The following ASIC2 variants were observed in gnomAD, a reference collection of about 807,000 sequenced individuals.
ASIC2 encodes acid sensing ion channel subunit 2.
A neutral mutation model predicts 57.3 loss-of-function variants in ASIC2; 25 were observed. The ratio of observed to expected loss-of-function variants is 0.44; its 90% CI spans 0.32 to 0.61. ASIC2 has a LOEUF of 0.61. ASIC2 is among the 20% of genes least tolerant of loss of function. The pLI, the probability that ASIC2 is intolerant of heterozygous loss-of-function variation, is 0.06. For synonymous variants in ASIC2, 319 were observed against 307.5 expected (o/e 1.04, Z -0.39); for missense variants, 641 against 738.1 (o/e 0.87, Z 1.52).
At chr17:33,056,183 T>A (rs1353110358) in intron 3 of ASIC2, among the ~76,000 whole-genome samples, 1 of 152,174 alleles carries the variant, frequency 6.6e-6, no homozygotes, top group African/African-American at 2.4e-5. Context: ...GGGGTATCTT[T>A]GGATTCCTCA....
At position 33,925,947 on chromosome 17, in the gene ASIC2, C is replaced by G. The variant is rs535275548; in HGVS notation, c.555+230031G>C. 1.6e-4 allele frequency among the ~76,000 whole-genome samples: 25 copies of G among 152,280 alleles called. No homozygotes were observed. In the South Asian group the frequency reaches 5.2e-3, roughly 32 times the overall value. On this transcript the variant is annotated intron_variant, in intron 1 of 9. Transcript: ENST00000359872. ...AGAAGTCACAAAATGTGTATGTGCCCCGCAATGACAAGACTTTTTTTAGAT... is the reference window on the plus strand; with the variant it reads ...AGAAGTCACAAAATGTGTATGTGCCGCGCAATGACAAGACTTTTTTTAGAT...
At chr17:33,215,705 CTT>C (rs35619348) in intron 1 of ASIC2, among the ~76,000 whole-genome samples, 9 of 141,422 alleles carry the variant, frequency 6.4e-5, no homozygotes, top group African/African-American at 1.0e-4. Context: ...ATACATGTGG[CTT>C]TTTTTTTTTT....
chr17:33,904,838 G>A (rs772374731), intron 1 of ASIC2, among the ~76,000 whole-genome samples: 1 of 152,122 alleles, frequency 6.6e-6, no homozygotes, highest in African/African-American at 2.4e-5. Flanking sequence ...TATCTTCTCC[G>A]GGTCTCAGTA....
chr17:33,881,225 A>G (rs1914691316), intron 1 of ASIC2, among the ~76,000 whole-genome samples: 1 of 151,914 alleles, frequency 6.6e-6, no homozygotes, highest in East Asian at 1.9e-4. Flanking sequence ...CTCTCTCACC[A>G]CTCCTATTCA....
intron 1 of ASIC2, among the ~76,000 whole-genome samples, chr17:33,856,497 G>GGCAGTAGCAGCA: frequency 7.3e-5 from 1 of 13,646 alleles, no homozygotes. Flanking sequence ...TAGTAATAGT[G>GGCAGTAGCAGCA]TTGTCAGTAG....
At chr17:34,053,671 G>A (rs1423542356) in intron 1 of ASIC2, among the ~76,000 whole-genome samples, 1 of 152,202 alleles carries the variant, frequency 6.6e-6, no homozygotes, top group African/African-American at 2.4e-5. Context: ...AGGAAATTGA[G>A]AGACAGAGAA....
At chr17:33,964,292 G>A (rs1905013175) in intron 1 of ASIC2, among the ~76,000 whole-genome samples, 1 of 152,332 alleles carries the variant, frequency 6.6e-6, no homozygotes, top group Non-Finnish European at 1.5e-5. Context: ...TAGCAGAGCA[G>A]GGCTCACCCC....
intron 1 of ASIC2, among the ~76,000 whole-genome samples, chr17:33,708,600 T>G (rs1335594218): frequency 1.3e-5 from 2 of 152,186 alleles, no homozygotes; most frequent in East Asian, 1.9e-4. Flanking sequence ...TCTTTCCAAG[T>G]GCAGGTATGT....
chr17:33,340,527 G>T (rs546356150), intron 1 of ASIC2, among the ~76,000 whole-genome samples: 10 of 115,390 alleles, frequency 8.7e-5, no homozygotes, highest in Non-Finnish European at 1.3e-4. Flanking sequence ...AAGCCTTGAG[G>T]TTGGCTAACA....
chr17:33,765,164 G>A (rs9909047), intron 1 of ASIC2, among the ~76,000 whole-genome samples: 4,760 of 151,804 alleles, frequency 0.031, 234 homozygotes, highest in African/African-American at 0.11. Context: ...AGAGTGCAGT[G>A]GCGCTATCTT....
At chr17:33,354,650 G>C (rs1194709498) in intron 1 of ASIC2, among the ~76,000 whole-genome samples, 1 of 151,866 alleles carries the variant, frequency 6.6e-6, no homozygotes, top group Admixed American at 6.6e-5. Context: ...CCTCTACTGG[G>C]AACATTCTTT....
At chr17:33,945,783 C>T (rs768667233) in intron 1 of ASIC2, among the ~76,000 whole-genome samples, 1 of 152,190 alleles carries the variant, frequency 6.6e-6, no homozygotes, top group Non-Finnish European at 1.5e-5. Flanking sequence ...CACTTTCCAA[C>T]GATTTGCTTG....
intron 1 of ASIC2, chr17:34,118,859 C>G (rs1431085238): frequency 1.3e-5 from 2 of 152,412 alleles, no homozygotes; most frequent in South Asian, 4.1e-4. Flanking sequence ...TCTGGAGCAG[C>G]TTCAAGTGGC....
At chr17:33,852,781 A>AG (rs1913808656) in intron 1 of ASIC2, among the ~76,000 whole-genome samples, 1 of 152,146 alleles carries the variant, frequency 6.6e-6, no homozygotes. Context: ...CTCACATTAC[A>AG]AATTGTCTTT....
At chr17:33,052,564 C>G (rs16579) in intron 3 of ASIC2, 60,186 of 151,938 alleles carry the variant, frequency 0.4, 13,106 homozygotes, top group East Asian at 0.65. Flanking sequence ...GGATAAAACT[C>G]TCTCTTCAGG....
chr17:34,007,683 C>T (rs1017497575), intron 1 of ASIC2, among the ~76,000 whole-genome samples: 3 of 152,214 alleles, frequency 2.0e-5, no homozygotes, highest in African/African-American at 7.2e-5. Flanking sequence ...TTCTGTGCCA[C>T]CTCTCCTCTT....
At chr17:33,843,960 C>T (rs1455205656) in intron 1 of ASIC2, among the ~76,000 whole-genome samples, 2 of 152,206 alleles carry the variant, frequency 1.3e-5, no homozygotes, top group African/African-American at 4.8e-5. Flanking sequence ...CTTAACTGAA[C>T]ACGAGGCTGT....
intron 1 of ASIC2, among the ~76,000 whole-genome samples, chr17:33,675,060 C>T (rs778502085): frequency 9.8e-5 from 15 of 152,292 alleles, no homozygotes; most frequent in Middle Eastern, 3.4e-3. Flanking sequence ...TAAAAGCGTC[C>T]GCCTTCTGGT....
chr17:33,916,274 G>A (rs1474744514), intron 1 of ASIC2, among the ~76,000 whole-genome samples: 1 of 152,168 alleles, frequency 6.6e-6, no homozygotes, highest in Admixed American at 6.5e-5. Flanking sequence ...CTGAGACAAA[G>A]ACCATTTCTC....
Sources: allele counts gnomAD v4.1 joint callset (sites outside exome capture counted in the v4.1 genomes callset), GRCh38; gene constraint gnomAD v4.1.1; transcripts MANE v1.5; gene names NCBI Gene and HGNC (gene_info 2026-07-23, HGNC 2026-07-21).